The following TTC28 variants were observed in gnomAD, a reference collection of about 807,000 sequenced individuals.
TTC28 encodes the protein tetratricopeptide repeat protein 28.
A neutral mutation model predicts 198.0 loss-of-function variants in TTC28; 61 were observed. The observed-to-expected ratio is 0.31, with a 90% CI of 0.25 to 0.38. The LOEUF (loss-of-function observed/expected upper bound fraction) is 0.38, where lower values mean the gene tolerates loss of function less well. Ranked by LOEUF, TTC28 falls within the 10% of genes least tolerant of loss-of-function variation. The pLI, the probability that TTC28 is intolerant of heterozygous loss-of-function variation, is 1.00. For missense variants in TTC28, 2,678 were observed against 3,164.0 expected (o/e 0.85, Z 3.69); for synonymous variants, 1,171 against 1,297.8 (o/e 0.90, Z 2.10).
At chr22:28,070,020 T>C (rs1340619462) in intron 12 of TTC28, among the ~76,000 whole-genome samples, 1 of 151,826 alleles carries the variant, frequency 6.6e-6, no homozygotes, top group Admixed American at 6.6e-5. Context: ...AGGTTGCTCA[T>C]TCTGTGTCCT....
At chr22:28,126,968 GCAAT>G (rs1942931428) in intron 6 of TTC28, among the ~76,000 whole-genome samples, 1 of 152,194 alleles carries the variant, frequency 6.6e-6, no homozygotes, top group South Asian at 2.1e-4. Context: ...CTGGGGTCAA[GCAAT>G]CCTCCTGCCT....
At chr22:28,460,353 T>A (rs1003239598) in intron 2 of TTC28, among the ~76,000 whole-genome samples, 1 of 151,966 alleles carries the variant, frequency 6.6e-6, no homozygotes, top group African/African-American at 2.4e-5. Context: ...TAGAAGGATA[T>A]AAAATAAAAA....
In TTC28 at chr22:28,591,078, T is replaced by C. The variant is rs1039682074; in HGVS notation, c.381+38474A>G. Reference sequence around the variant, plus strand: ...ATATATATATATATATATATATATATATATATAGGAATTGTGACATTTTGT... The same window carrying C: ...ATATATATATATATATATATATATACATATATAGGAATTGTGACATTTTGT... On this transcript the variant is annotated intron_variant, in intron 2 of 22. Coordinates refer to ENST00000397906, the MANE Select transcript of TTC28 (RefSeq NM_001145418.2). Among the ~76,000 whole-genome samples, 194 of 113,690 alleles carry C rather than the reference T, an allele frequency of 1.7e-3. 1 individual carries two copies. Among genetic ancestry groups the C allele is most frequent in the Middle Eastern group, 9.8e-3 (2 of 204 alleles). 74.6% of individuals were successfully genotyped at this position (113,690 alleles called of 152,430 possible). A position where few individuals can be genotyped will look rare whatever the true frequency, so the allele number is the denominator to read the frequency against.
At chr22:28,248,388 TA>T in intron 5 of TTC28, among the ~76,000 whole-genome samples, 1 of 152,250 alleles carries the variant, frequency 6.6e-6, no homozygotes, top group East Asian at 1.9e-4. Flanking sequence ...CATGGAAAAA[TA>T]AGAGTTAATT....
intron 6 of TTC28, among the ~76,000 whole-genome samples, chr22:28,129,228 G>C (rs1942997482): frequency 6.6e-6 from 1 of 152,166 alleles, no homozygotes; most frequent in South Asian, 2.1e-4. Flanking sequence ...GCAAACTAAA[G>C]GTTAGCCAGT....
chr22:28,660,642 A>C (rs1401671844), intron 1 of TTC28, among the ~76,000 whole-genome samples: 1 of 148,436 alleles, frequency 6.7e-6, no homozygotes, highest in Non-Finnish European at 1.5e-5. Flanking sequence ...TTCTGTCTCA[A>C]CCTCCCGAGT....
chr22:28,261,547 CTCTG>C (rs2147299536), intron 5 of TTC28, among the ~76,000 whole-genome samples: 1 of 152,270 alleles, frequency 6.6e-6, no homozygotes, highest in Admixed American at 6.5e-5. Flanking sequence ...AAGAGGCGTA[CTCTG>C]TCTGACTTAC....
intron 2 of TTC28, among the ~76,000 whole-genome samples, chr22:28,316,375 AC>A (rs2045352467): frequency 6.6e-6 from 1 of 152,212 alleles, no homozygotes; most frequent in Admixed American, 6.5e-5. Flanking sequence ...AAAATTGGGT[AC>A]TATGATGCAT....
intron 17 of TTC28, among the ~76,000 whole-genome samples, chr22:27,994,215 G>A (rs1043189729): frequency 6.6e-6 from 1 of 152,080 alleles, no homozygotes; most frequent in African/African-American, 2.4e-5. Context: ...AGGCCAAGAC[G>A]GGCAGATCAC....
chr22:28,616,144 A>G (rs2050901806), intron 2 of TTC28, among the ~76,000 whole-genome samples: 2 of 152,200 alleles, frequency 1.3e-5, no homozygotes, highest in Admixed American at 1.3e-4. Flanking sequence ...TCCTTTGTCC[A>G]GGGAAGTAGT....
At chr22:28,051,467 TTTTCTC>T (rs1470939940) in intron 12 of TTC28, among the ~76,000 whole-genome samples, 5 of 152,204 alleles carry the variant, frequency 3.3e-5, no homozygotes, top group Non-Finnish European at 7.3e-5. Context: ...ATAGAGCCTG[TTTTCTC>T]TTTCTCTTTC....
At chr22:28,044,514 A>C (rs1939786050) in intron 12 of TTC28, among the ~76,000 whole-genome samples, 1 of 152,102 alleles carries the variant, frequency 6.6e-6, no homozygotes, top group Non-Finnish European at 1.5e-5. Flanking sequence ...CAGGTTTGTT[A>C]CATATGTATA....
At chr22:28,141,097 A>C (rs937912883) in intron 6 of TTC28, among the ~76,000 whole-genome samples, 6 of 152,162 alleles carry the variant, frequency 3.9e-5, no homozygotes, top group African/African-American at 1.4e-4. Flanking sequence ...CAATGCCAGA[A>C]TTAGAACCCA....
At position 28,001,543 on chromosome 22, in the gene TTC28, T is replaced by C. The variant is rs1305270337; in HGVS notation, c.4229A>G (p.His1410Arg). 7 of 1,550,474 alleles carry C rather than the reference T, an allele frequency of 4.5e-6. No individual in the cohort carries two copies. The highest frequency in any genetic ancestry group is 6.1e-6 in the Non-Finnish European group (7 of 1,146,690). Residue 1410 changes from histidine to arginine, a missense_variant, in exon 15 of 23, where the codon CAC becomes CGC. Transcript: ENST00000397906. ...GTGCCGGCCCACGGGGCCGCTGGAGTGCATCAGGCCCTATGGAGCAAGCAC... is the reference window on the plus strand; with the variant it reads ...GTGCCGGCCCACGGGGCCGCTGGAGCGCATCAGGCCCTATGGAGCAAGCAC... ...LIAPMEGGLMHSSGPVGRHRQ... is the reference protein window; with the variant it reads ...LIAPMEGGLMRSSGPVGRHRQ...
intron 1 of TTC28, among the ~76,000 whole-genome samples, chr22:28,676,331 T>C (rs1003960663): frequency 9.2e-5 from 14 of 152,188 alleles, no homozygotes; most frequent in African/African-American, 3.4e-4. Flanking sequence ...GAAAGTAGGC[T>C]AGTTATTGCC....
At chr22:28,350,444 T>G (rs1416498498) in intron 2 of TTC28, among the ~76,000 whole-genome samples, 8 of 152,184 alleles carry the variant, frequency 5.3e-5, no homozygotes, top group African/African-American at 1.2e-4. Flanking sequence ...GCTCAAATCC[T>G]AAAATTTGCT....
chr22:28,599,845 T>C (rs1335589321), intron 2 of TTC28, among the ~76,000 whole-genome samples: 2 of 152,162 alleles, frequency 1.3e-5, no homozygotes, highest in Admixed American at 6.5e-5. Context: ...CAAACTCCGG[T>C]TGTTATTGGG....
At chr22:28,358,627 C>A (rs748880525) in intron 2 of TTC28, among the ~76,000 whole-genome samples, 9 of 152,210 alleles carry the variant, frequency 5.9e-5, no homozygotes, top group Non-Finnish European at 8.8e-5. Flanking sequence ...AATTAGGAAG[C>A]AAAGCCTTGT....
chr22:28,088,566 A>G (rs1009407387), intron 12 of TTC28, among the ~76,000 whole-genome samples: 19 of 151,252 alleles, frequency 1.3e-4, no homozygotes, highest in African/African-American at 2.4e-4. Context: ...AACCCTAGAA[A>G]AAAACCTAGG....
Sources: gnomAD v4.1 joint callset for allele counts (sites outside exome capture counted in the v4.1 genomes callset) on GRCh38, gnomAD v4.1.1 for gene constraint, MANE v1.5 for transcripts, NCBI Gene and HGNC (gene_info 2026-07-23, HGNC 2026-07-21) for gene names.